Variants in SCOC observed in about 807,000 individuals in gnomAD.
SCOC encodes short coiled-coil protein.
A neutral mutation model predicts 9.9 loss-of-function variants in SCOC; 7 were observed. The ratio of observed to expected loss-of-function variants is 0.71; its 90% CI spans 0.40 to 1.33. The LOEUF (loss-of-function observed/expected upper bound fraction) is 1.33. SCOC is among the 40% of genes most tolerant of loss of function. The pLI, the probability that SCOC is intolerant of heterozygous loss-of-function variation, is 0.01. For synonymous variants in SCOC, 19 were observed against 28.2 expected, an observed-to-expected ratio of 0.67 and a Z score of 1.03; for missense variants, 66 against 89.7, an observed-to-expected ratio of 0.74 and a Z score of 1.07.
intron 2 of SCOC, among the ~76,000 whole-genome samples, chr4:140,347,854 T>TACTATGAAGAGTAATGCC (rs1726807664): frequency 6.6e-6 from 1 of 152,232 alleles, no homozygotes; most frequent in Non-Finnish European, 1.5e-5. Context: ...TACTATGGTT[T>TACTATGAAGAGTAATGCC]ATTTCACAAT....
chr4:140,266,161 C>T (rs143931956), intron 1 of SCOC, among the ~76,000 whole-genome samples: 30 of 152,078 alleles, frequency 2.0e-4, no homozygotes, highest in African/African-American at 4.8e-4. Flanking sequence ...AAGATGGAAA[C>T]GGAGAAGTTG....
upstream of SCOC, among the ~76,000 whole-genome samples, chr4:140,341,047 C>T (rs570628228): frequency 3.9e-5 from 6 of 151,918 alleles, no homozygotes; most frequent in South Asian, 2.1e-4. Flanking sequence ...CCACCCGCCT[C>T]GGCCTCCCAA....
At position 140,289,697 on chromosome 4, in the gene SCOC, T is replaced by C. The variant is rs1416750246; in HGVS notation, c.-19+32287T>C. On this transcript the variant is annotated intron_variant, in intron 1 of 4. Transcript: ENST00000394205. Reference sequence around the variant, plus strand: ...AGAACTAGTGCCAACAGGTTGTGCATTCAAAGGCAGCAGTATCCAGATCAG... The same window carrying C: ...AGAACTAGTGCCAACAGGTTGTGCACTCAAAGGCAGCAGTATCCAGATCAG... Among the ~76,000 whole-genome samples, 53 of 152,188 alleles carry C rather than the reference T, an allele frequency of 3.5e-4. 1 individual carries two copies. The highest frequency in any genetic ancestry group is 4.4e-5 in the Non-Finnish European group (3 of 68,034).
upstream of SCOC, among the ~76,000 whole-genome samples, chr4:140,371,795 A>G (rs1488758083): frequency 1.3e-5 from 2 of 152,254 alleles, no homozygotes; most frequent in African/African-American, 4.8e-5. Flanking sequence ...AGGGTCTCAA[A>G]GAGACATTTG....
intron 2 of SCOC, among the ~76,000 whole-genome samples, chr4:140,362,282 T>TTCTTCTTCTTCCTCTTCCTCTTCC (rs1578860590): frequency 6.1e-5 from 1 of 16,292 alleles, no homozygotes; most frequent in Non-Finnish European, 1.1e-4. Flanking sequence ...TCCTTACTTC[T>TTCTTCTTCTTCCTCTTCCTCTTCC]TCTTCTTCTT....
At chr4:140,298,425 G>A (rs1339976499) in intron 1 of SCOC, among the ~76,000 whole-genome samples, 1 of 152,208 alleles carries the variant, frequency 6.6e-6, no homozygotes, top group Non-Finnish European at 1.5e-5. Context: ...ATTATTCTGT[G>A]GGATCATGTT....
At chr4:140,372,777 A>G (rs17005807), upstream of SCOC, among the ~76,000 whole-genome samples, 107 of 152,322 alleles carry the variant, frequency 7.0e-4, no homozygotes, top group East Asian at 0.018. Flanking sequence ...CCAAAATAAT[A>G]ATGTATTGCT....
chr4:140,281,195 G>A (rs1731087710), intron 1 of SCOC, among the ~76,000 whole-genome samples: 1 of 151,604 alleles, frequency 6.6e-6, no homozygotes. Flanking sequence ...AAGAGGCGAG[G>A]TGGCACTCAC....
intron 1 of SCOC, among the ~76,000 whole-genome samples, chr4:140,318,075 C>A (rs959475273): frequency 1.3e-5 from 2 of 151,998 alleles, no homozygotes; most frequent in Admixed American, 1.3e-4. Context: ...ATATGTGCCA[C>A]ATTTTCTTAA....
At chr4:140,279,572 C>A (rs1731055618) in intron 1 of SCOC, among the ~76,000 whole-genome samples, 1 of 152,050 alleles carries the variant, frequency 6.6e-6, no homozygotes, top group Admixed American at 6.6e-5. Flanking sequence ...AGCTTCGATT[C>A]GATTCTTGTG....
At chr4:140,354,725 T>A (rs530855394) in intron 2 of SCOC, among the ~76,000 whole-genome samples, 72 of 152,006 alleles carry the variant, frequency 4.7e-4, no homozygotes, top group East Asian at 3.1e-3. Context: ...TTTTTTTTTT[T>A]AAACCTTTTT....
chr4:140,377,114 A>G (rs866934975), intron 1 of SCOC, among the ~76,000 whole-genome samples: 1 of 152,174 alleles, frequency 6.6e-6, no homozygotes, highest in African/African-American at 2.4e-5. Context: ...TGCCTCTCTC[A>G]TCTTACTCAG....
At chr4:140,307,264 C>G (rs1732021161) in intron 1 of SCOC, among the ~76,000 whole-genome samples, 1 of 152,204 alleles carries the variant, frequency 6.6e-6, no homozygotes, top group African/African-American at 2.4e-5. Context: ...AGTAACTCTG[C>G]AATTAACACT....
chr4:140,284,303 T>C (rs1025514029), intron 1 of SCOC: 4 of 152,068 alleles, frequency 2.6e-5, no homozygotes, highest in African/African-American at 4.8e-5. Flanking sequence ...TTTGCTTTAC[T>C]TGCATTCATA....
chr4:140,291,268 T>A (rs1731462226), intron 1 of SCOC: 20 of 367,840 alleles, frequency 5.4e-5, no homozygotes, highest in South Asian at 4.1e-4. Flanking sequence ...GCCTGTCAGG[T>A]GCTATGCTTC....
At chr4:140,302,281 A>G (rs957219514) in intron 1 of SCOC, among the ~76,000 whole-genome samples, 3 of 152,222 alleles carry the variant, frequency 2.0e-5, no homozygotes, top group African/African-American at 7.2e-5. Context: ...ACAGAAAATC[A>G]AAGGGGTCTT....
At chr4:140,298,780 GA>G (rs1288230134) in intron 1 of SCOC, among the ~76,000 whole-genome samples, 1 of 152,148 alleles carries the variant, frequency 6.6e-6, no homozygotes, top group Admixed American at 6.5e-5. Context: ...AGGTGGACAA[GA>G]ACTGATTTCT....
chr4:140,271,204 T>C (rs1169494860), intron 1 of SCOC, among the ~76,000 whole-genome samples: 1 of 152,194 alleles, frequency 6.6e-6, no homozygotes, highest in African/African-American at 2.4e-5. Flanking sequence ...TCAGAGACGA[T>C]GGATGATGGG....
chr4:140,306,080 T>C (rs1731972848), intron 1 of SCOC, among the ~76,000 whole-genome samples: 1 of 152,184 alleles, frequency 6.6e-6, no homozygotes, highest in Non-Finnish European at 1.5e-5. Context: ...TACCTAAGGC[T>C]GGGTAGTTTA....
Sources: allele counts gnomAD v4.1 joint callset (sites outside exome capture counted in the v4.1 genomes callset), GRCh38; gene constraint gnomAD v4.1.1; transcripts MANE v1.5; gene names NCBI Gene and HGNC (gene_info 2026-07-23, HGNC 2026-07-21).